Variants in ZSWIM5 observed in about 807,000 individuals in gnomAD.
The protein encoded by ZSWIM5 is zinc finger SWIM domain-containing protein 5.
In ZSWIM5, 55 loss-of-function variants were observed where a neutral mutation model predicts 119.6. That is an observed-to-expected ratio of 0.46 (90% confidence interval 0.37 to 0.58). The LOEUF (loss-of-function observed/expected upper bound fraction) is 0.58. ZSWIM5 is among the 20% of genes least tolerant of loss of function. The pLI, the probability that ZSWIM5 is intolerant of heterozygous loss-of-function variation, is 0.00. For missense variants in ZSWIM5, 1,193 were observed against 1,512.8 expected (o/e 0.79, Z 3.51); for synonymous variants, 537 against 606.9 (o/e 0.88, Z 1.69).
At chr1:45,025,513 T>A (rs1287909512) in intron 11 of ZSWIM5, among the ~76,000 whole-genome samples, 1 of 152,202 alleles carries the variant, frequency 6.6e-6, no homozygotes, top group African/African-American at 2.4e-5. Context: ...ACAGTATTCC[T>A]CATATCAATC....
intron 1 of ZSWIM5, among the ~76,000 whole-genome samples, chr1:45,167,657 G>A (rs1283353887): frequency 6.6e-6 from 1 of 152,080 alleles, no homozygotes; most frequent in Non-Finnish European, 1.5e-5. Flanking sequence ...ATCAAAAAGT[G>A]GGCGAAGGAT....
rs567107327 is a variant in ZSWIM5, at chr1:45,080,051, G to A, written c.952+7830C>T. On this transcript the variant is annotated intron_variant, in intron 2 of 13. Coordinates refer to ENST00000359600, the MANE Select transcript of ZSWIM5 (RefSeq NM_020883.2). ...CTCTCCTCTCCTCGAGCAAAGGGAC[G>A]GGGTCTCTTTTGGAGCCATAAGCTG... Among the ~76,000 whole-genome samples, 9 of 152,200 alleles carry A rather than the reference G, an allele frequency of 5.9e-5. No individual in the cohort carries two copies. The South Asian group carries it at 1.0e-3, about 18-fold the overall frequency.
At chr1:45,180,727 G>A (rs1011086962) in intron 1 of ZSWIM5, among the ~76,000 whole-genome samples, 10 of 152,094 alleles carry the variant, frequency 6.6e-5, no homozygotes, top group African/African-American at 2.4e-4. Context: ...GTACTCCCCT[G>A]AGACAAAGCT....
At chr1:45,169,640 C>T (rs550612268) in intron 1 of ZSWIM5, among the ~76,000 whole-genome samples, 2 of 152,122 alleles carry the variant, frequency 1.3e-5, no homozygotes, top group Non-Finnish European at 1.5e-5. Context: ...CAGGTACCTC[C>T]AACAGTTGCC....
At chr1:45,195,402 T>TA (rs1206474471) in intron 1 of ZSWIM5, among the ~76,000 whole-genome samples, 1 of 151,892 alleles carries the variant, frequency 6.6e-6, no homozygotes, top group Non-Finnish European at 1.5e-5. Context: ...CATGCCTGGC[T>TA]AATTTTTTTT....
intron 1 of ZSWIM5, among the ~76,000 whole-genome samples, chr1:45,183,015 A>T (rs1359772357): frequency 2.0e-5 from 3 of 151,366 alleles, no homozygotes; most frequent in Non-Finnish European, 3.0e-5. Flanking sequence ...TCTCCTCAGC[A>T]AATGTAAAAG....
At chr1:45,070,348 G>T in intron 2 of ZSWIM5, 1 of 1,409,948 alleles carries the variant, frequency 7.1e-7, no homozygotes, top group African/African-American at 1.4e-5. Context: ...ATGGCCAACG[G>T]CATGGGCAGC....
chr1:45,183,553 AT>A (rs1646036470), intron 1 of ZSWIM5, among the ~76,000 whole-genome samples: 1 of 152,238 alleles, frequency 6.6e-6, no homozygotes. Context: ...ACAATAAAAA[AT>A]GATAAAGGGG....
intron 1 of ZSWIM5, among the ~76,000 whole-genome samples, chr1:45,123,796 C>A (rs76293980): frequency 0.021 from 3,140 of 152,186 alleles, 115 homozygotes; most frequent in African/African-American, 0.072. Context: ...AAGAAATCCA[C>A]GTCAAGATAC....
chr1:45,074,642 C>T (rs1279404469), intron 2 of ZSWIM5, among the ~76,000 whole-genome samples: 1 of 151,494 alleles, frequency 6.6e-6, no homozygotes, highest in Non-Finnish European at 1.5e-5. Context: ...AAAGGTTTGT[C>T]AATTTTGTTT....
intron 1 of ZSWIM5, among the ~76,000 whole-genome samples, chr1:45,157,613 G>A (rs1411613026): frequency 6.6e-6 from 1 of 151,782 alleles, no homozygotes; most frequent in African/African-American, 2.4e-5. Context: ...GATGTTTCTA[G>A]TTTGGGACTA....
intron 2 of ZSWIM5, among the ~76,000 whole-genome samples, chr1:45,066,452 G>C (rs1435466924): frequency 1.3e-5 from 2 of 152,144 alleles, no homozygotes; most frequent in Non-Finnish European, 2.9e-5. Context: ...GTCAAAGAAG[G>C]CTTCTCTGAG....
intron 11 of ZSWIM5, among the ~76,000 whole-genome samples, chr1:45,026,849 G>A (rs1029823584): frequency 2.6e-5 from 4 of 151,994 alleles, no homozygotes; most frequent in African/African-American, 4.8e-5. Context: ...TGAGCCTGGC[G>A]CTTTCTGTTT....
At chr1:45,041,253 GAT>G (rs754680107) in intron 6 of ZSWIM5, among the ~76,000 whole-genome samples, 6 of 152,168 alleles carry the variant, frequency 3.9e-5, no homozygotes, top group Admixed American at 1.3e-4. Flanking sequence ...TGTGGCCTAA[GAT>G]AGCCTGGAAA....
intron 1 of ZSWIM5, among the ~76,000 whole-genome samples, chr1:45,126,087 T>A (rs1383954776): frequency 6.6e-6 from 1 of 150,516 alleles, no homozygotes; most frequent in South Asian, 2.1e-4. Flanking sequence ...TAATTAAATT[T>A]AAAAAAAATT....
intron 5 of ZSWIM5, among the ~76,000 whole-genome samples, chr1:45,045,552 T>C (rs890075592): frequency 1.3e-5 from 2 of 152,148 alleles, no homozygotes; most frequent in Non-Finnish European, 2.9e-5. Flanking sequence ...ACTGACAGTA[T>C]TTACTGAAAT....
At chr1:45,172,240 C>T (rs1363919547) in intron 1 of ZSWIM5, among the ~76,000 whole-genome samples, 2 of 151,990 alleles carry the variant, frequency 1.3e-5, no homozygotes, top group Non-Finnish European at 2.9e-5. Context: ...TTTGTTTTGA[C>T]CGTATTTGCT....
intron 1 of ZSWIM5, among the ~76,000 whole-genome samples, chr1:45,160,254 T>G (rs1280483244): frequency 1.3e-5 from 2 of 152,224 alleles, no homozygotes; most frequent in Non-Finnish European, 2.9e-5. Context: ...GTCAGGGTAT[T>G]TGAGGTGCTC....
rs547091749 is a variant in ZSWIM5, at chr1:45,166,687, A to C, written c.595+39069T>G. 2.3e-3 allele frequency among the ~76,000 whole-genome samples: 348 copies of C among 152,198 alleles called. 1 individual carries two copies. Among genetic ancestry groups the C allele is most frequent in the African/African-American group, 7.9e-3 (330 of 41,544 alleles). Reference sequence around the variant, plus strand: ...TCCTATACACCAATAACAGACAAACAGAGAGCCAAATCATGAGTGAACTCC... The same window carrying C: ...TCCTATACACCAATAACAGACAAACCGAGAGCCAAATCATGAGTGAACTCC... On this transcript the variant is annotated intron_variant, in intron 1 of 13. Transcript: ENST00000359600.
Sources: gnomAD v4.1 joint callset for allele counts (sites outside exome capture counted in the v4.1 genomes callset) on GRCh38, gnomAD v4.1.1 for gene constraint, MANE v1.5 for transcripts, NCBI Gene and HGNC (gene_info 2026-07-23, HGNC 2026-07-21) for gene names.